BST1: variants seen among roughly 807,000 people sequenced by gnomAD.
BST1 encodes ADP-ribosyl cyclase/cyclic ADP-ribose hydrolase 2.
BST1 carries 49 observed loss-of-function variants against 40.6 expected under a neutral mutation model. The ratio of observed to expected loss-of-function variants is 1.21; its 90% CI spans 0.96 to 1.53. BST1 has a LOEUF of 1.53. Ranked by LOEUF, BST1 falls within the 40% of genes most tolerant of loss-of-function variation. The pLI is 0.00. For synonymous variants in BST1, 157 were observed against 159.3 expected (o/e 0.99, Z 0.11); for missense variants, 423 against 395.9 (o/e 1.07, Z -0.58).
chr4:15,706,507 G>A (rs1719888183), intron 2 of BST1, among the ~76,000 whole-genome samples: 1 of 152,126 alleles, frequency 6.6e-6, no homozygotes, highest in Non-Finnish European at 1.5e-5. Context: ...ACACTCTCAG[G>A]TCTAATAAAA....
chr4:15,707,542 T>C lies in BST1; in HGVS notation c.347T>C (p.Val116Ala). Residue 116 changes from valine (V) to alanine (A), a missense_variant, in exon 3 of 9, where the codon GTT becomes GCT. By Grantham distance (64) the Val-to-Ala change is moderately conservative (BLOSUM62 0). Coordinates refer to ENST00000265016, the MANE Select transcript of BST1 (RefSeq NM_004334.3). ...TTCTGGGAAAATAGCCACCTCCTTG[T>C]TAACAGCTTTGCAGACAACACCCGT... Reference protein sequence around the residue: ...SLFWENSHLLVNSFADNTRRF... With the variant: ...SLFWENSHLLANSFADNTRRF... The C allele has an allele frequency of 6.2e-7, 1 of 1,614,074 alleles. No homozygotes were observed. The highest frequency in any genetic ancestry group is 8.5e-7 in the Non-Finnish European group (1 of 1,180,000).
intron 7 of BST1, 67 bp downstream of exon 7, chr4:15,719,060 C>G (rs149266397): frequency 7.0e-6 from 10 of 1,419,028 alleles, no homozygotes; most frequent in Admixed American, 1.9e-5. Flanking sequence ...GGTGGGCTGC[C>G]GAAAGGGTAT....
At chr4:15,765,409 T>C in the BST1 span, among the ~76,000 whole-genome samples, 1 of 152,004 alleles carries the variant, frequency 6.6e-6, no homozygotes, top group African/African-American at 2.4e-5. Flanking sequence ...TATGGCACCA[T>C]GGCTTCCAAA....
At chr4:15,763,966 A>G in the BST1 span, among the ~76,000 whole-genome samples, 2 of 152,074 alleles carry the variant, frequency 1.3e-5, no homozygotes, top group East Asian at 1.9e-4. Flanking sequence ...GTATGATACT[A>G]TAATAGTGTG....
In BST1 at chr4:15,711,875, A is replaced by G. The variant is rs778110378; in HGVS notation, c.520A>G (p.Arg174Gly). The change falls in exon 4 of 9, where the codon AGG becomes GGG. Residue 174 changes from arginine to glycine, a missense_variant. Arg to Gly is a moderately radical substitution (Grantham distance 125). Transcript: ENST00000265016. ...ENNPVDSFWK[R>G]ASIQYSKDSS... Reference sequence around the variant, plus strand: ...TAATCCTGTGGATTCCTTTTGGAAAAGGGCATCCATCCAGGTAATGCTGGG... The same window carrying G: ...TAATCCTGTGGATTCCTTTTGGAAAGGGGCATCCATCCAGGTAATGCTGGG... 20 of 1,613,668 alleles carry G rather than the reference A, an allele frequency of 1.2e-5. No homozygotes were observed. Among genetic ancestry groups the G allele is most frequent in the African/African-American group, 9.3e-5 (7 of 74,918 alleles).
downstream of BST1, among the ~76,000 whole-genome samples, chr4:15,735,283 G>C (rs1394454683): frequency 3.9e-5 from 6 of 152,178 alleles, no homozygotes. Flanking sequence ...AGCATTGTTT[G>C]GGTCCTTGCC....
the BST1 span, among the ~76,000 whole-genome samples, chr4:15,750,109 C>G: frequency 6.6e-6 from 1 of 151,982 alleles, no homozygotes. Context: ...TGCCCAACCT[C>G]CGCCACCCAG....
At chr4:15,769,636 A>G in the BST1 span, among the ~76,000 whole-genome samples, 1 of 152,124 alleles carries the variant, frequency 6.6e-6, no homozygotes, top group African/African-American at 2.4e-5. Flanking sequence ...ACGTATACAC[A>G]GTGAAGCAGA....
At chr4:15,725,614 C>T (rs936998598) in intron 8 of BST1, among the ~76,000 whole-genome samples, 12 of 152,264 alleles carry the variant, frequency 7.9e-5, no homozygotes, top group East Asian at 3.9e-4. Context: ...TTTCCAGACA[C>T]GTCACCCACA....
In BST1 at chr4:15,703,135, A is replaced by G. The variant is rs1442980293; in HGVS notation, c.-10A>G. The G allele has an allele frequency of 2.1e-5, 34 of 1,583,282 alleles. No homozygotes were observed. The highest frequency in any genetic ancestry group is 2.7e-5 in the Non-Finnish European group (32 of 1,167,650). On this transcript the variant is annotated 5_prime_UTR_variant, in exon 1 of 9. Transcript: ENST00000265016. The stretch of plus-strand genomic sequence containing the variant: ...AGGAAGCACGGGACTGGAGGGACCA[A>G]AGTTCCCCGATGGCGGCCCAGGGGT...
chr4:15,753,768 CGGA>C, the BST1 span, among the ~76,000 whole-genome samples: 1 of 152,194 alleles, frequency 6.6e-6, no homozygotes, highest in East Asian at 1.9e-4. Context: ...TCAGGAAAAT[CGGA>C]GGAGGTTTAA....
downstream of BST1, chr4:15,737,759 T>A (rs1336900735): frequency 7.8e-7 from 1 of 1,282,656 alleles, no homozygotes; most frequent in Non-Finnish European, 1.0e-6. Context: ...ATAGACTTGG[T>A]AACAAGGTAC....
chr4:15,765,760 G>A, the BST1 span, among the ~76,000 whole-genome samples: 14 of 151,908 alleles, frequency 9.2e-5, no homozygotes, highest in East Asian at 1.9e-4. Flanking sequence ...CACCTTCTGA[G>A]TGAGACCTTC....
chr4:15,739,591 GTGTA>G (rs1279653322), downstream of BST1, among the ~76,000 whole-genome samples: 1,247 of 142,896 alleles, frequency 8.7e-3, 18 homozygotes, highest in African/African-American at 0.032. Flanking sequence ...GTGTGTGTGT[GTGTA>G]TTTCTCCCCT....
At chr4:15,768,746 T>G in the BST1 span, among the ~76,000 whole-genome samples, 1 of 152,098 alleles carries the variant, frequency 6.6e-6, no homozygotes, top group Non-Finnish European at 1.5e-5. Context: ...TCCACCCGCC[T>G]CAGCCTCCCA....
At chr4:15,719,078 T>A in intron 7 of BST1, 85 bp downstream of exon 7, 2 of 1,175,368 alleles carry the variant, frequency 1.7e-6, no homozygotes, top group Non-Finnish European at 2.4e-6. Flanking sequence ...TATTGATGGC[T>A]CTCAGCTCTG....
chr4:15,773,949 G>A, the BST1 span, among the ~76,000 whole-genome samples: 331 of 152,242 alleles, frequency 2.2e-3, 1 homozygote, highest in African/African-American at 7.4e-3. Context: ...GCTGAATGGT[G>A]TACACCCCAA....
At chr4:15,751,518 C>A in the BST1 span, among the ~76,000 whole-genome samples, 1 of 152,010 alleles carries the variant, frequency 6.6e-6, no homozygotes, top group African/African-American at 2.4e-5. Flanking sequence ...AGGGAGGGTG[C>A]TGGGAAGATT....
chr4:15,755,201 C>T, the BST1 span, among the ~76,000 whole-genome samples: 1 of 152,104 alleles, frequency 6.6e-6, no homozygotes, highest in South Asian at 2.1e-4. Flanking sequence ...TGCAGTAGTG[C>T]AATCTCAGCT....
Sources: gnomAD v4.1 joint callset for allele counts (sites outside exome capture counted in the v4.1 genomes callset) on GRCh38, gnomAD v4.1.1 for gene constraint, MANE v1.5 for transcripts, NCBI Gene and HGNC (gene_info 2026-07-23, HGNC 2026-07-21) for gene names.